The following TM9SF3 variants were observed in gnomAD, a reference collection of about 807,000 sequenced individuals.
The protein encoded by TM9SF3 is transmembrane 9 superfamily member 3, also known as SM-11044-binding protein.
Under a neutral mutation model 78.6 loss-of-function variants are expected in TM9SF3, and 14 were observed. The ratio of observed to expected loss-of-function variants is 0.18; its 90% CI spans 0.12 to 0.28. The LOEUF (loss-of-function observed/expected upper bound fraction) is 0.28. TM9SF3 is among the 10% of genes least tolerant of loss of function. TM9SF3 has a pLI of 1.00. For synonymous variants in TM9SF3, 231 were observed against 241.7 expected (o/e 0.96, Z 0.41); for missense variants, 496 against 721.9 (o/e 0.69, Z 3.59).
chr10:96,551,577 T>C (rs1848170634), intron 6 of TM9SF3, among the ~76,000 whole-genome samples, 166 bp from the exon 7 acceptor site: 1 of 152,194 alleles, frequency 6.6e-6, no homozygotes, highest in African/African-American at 2.4e-5. Flanking sequence ...ATCACTGCCT[T>C]AATAACAATG....
At chr10:96,545,297 A>G (rs1848083622) in intron 8 of TM9SF3, among the ~76,000 whole-genome samples, 1 of 152,218 alleles carries the variant, frequency 6.6e-6, no homozygotes. Flanking sequence ...TAGAAAAATA[A>G]GCAATACTCT....
chr10:96,562,196 A>G, intron 3 of TM9SF3, 58 bp from the exon 4 acceptor site: 1 of 1,294,880 alleles, frequency 7.7e-7, no homozygotes. Flanking sequence ...AAAATATCCT[A>G]CAAGCTAAAT....
intron 1 of TM9SF3, among the ~76,000 whole-genome samples, chr10:96,580,619 C>G (rs1014700388): frequency 6.6e-6 from 1 of 152,096 alleles, no homozygotes; most frequent in Non-Finnish European, 1.5e-5. Flanking sequence ...TCCTTTTCTC[C>G]ACTTAGCCAA....
At chr10:96,572,099 T>C (rs1218150415) in intron 2 of TM9SF3, among the ~76,000 whole-genome samples, 3 of 152,190 alleles carry the variant, frequency 2.0e-5, no homozygotes, top group Non-Finnish European at 4.4e-5. Context: ...TCAAAGTCTG[T>C]AATCAATAAA....
chr10:96,539,220 C>T (rs908793943), intron 9 of TM9SF3, among the ~76,000 whole-genome samples: 1 of 150,372 alleles, frequency 6.7e-6, no homozygotes, highest in Non-Finnish European at 1.5e-5. Context: ...CCTGTAATCG[C>T]AGCACTTTGG....
At chr10:96,542,450 A>G (rs570489956) in intron 9 of TM9SF3, among the ~76,000 whole-genome samples, 2 of 152,314 alleles carry the variant, frequency 1.3e-5, no homozygotes, top group African/African-American at 4.8e-5. Context: ...TAATTATTAA[A>G]TTATCTAAAG....
chr10:96,585,587 C>T (rs1359104001), intron 1 of TM9SF3, among the ~76,000 whole-genome samples: 1 of 152,186 alleles, frequency 6.6e-6, no homozygotes, highest in Non-Finnish European at 1.5e-5. Context: ...AAGTTTAGAG[C>T]TTTTATTAGC....
chr10:96,525,839 C>T (rs1280976624), intron 14 of TM9SF3, among the ~76,000 whole-genome samples: 1 of 151,774 alleles, frequency 6.6e-6, no homozygotes, highest in East Asian at 1.9e-4. Context: ...AAACACTGAG[C>T]CCAAAAAAAA....
intron 1 of TM9SF3, among the ~76,000 whole-genome samples, 156 bp downstream of exon 1, chr10:96,586,578 C>T (rs935322522): frequency 2.6e-5 from 4 of 152,076 alleles, no homozygotes; most frequent in Admixed American, 6.5e-5. Flanking sequence ...CCTCCACGCT[C>T]CCAAGGTTCC....
At chr10:96,533,859 T>C (rs1368415947) in intron 9 of TM9SF3, among the ~76,000 whole-genome samples, 1 of 152,236 alleles carries the variant, frequency 6.6e-6, no homozygotes, top group Non-Finnish European at 1.5e-5. Context: ...ACGGAGATTT[T>C]AGAACCAAAG....
chr10:96,547,451 G>A (rs182792137), intron 8 of TM9SF3, among the ~76,000 whole-genome samples: 3 of 152,244 alleles, frequency 2.0e-5, no homozygotes, highest in East Asian at 3.9e-4. Context: ...GAAATAAAAC[G>A]CGAGAATTCC....
chr10:96,552,818 T>C (rs1848190268), intron 6 of TM9SF3, 110 bp downstream of exon 6: 1 of 1,078,964 alleles, frequency 9.3e-7, no homozygotes, highest in Non-Finnish European at 1.2e-6. Context: ...AAATCCTGAA[T>C]TGTGGAAACT....
Position 96,520,732 on chromosome 10 carries a change from C to T in TM9SF3, c.*1531G>A, listed in dbSNP as rs1847756450. On this transcript the variant is annotated 3_prime_UTR_variant, in exon 15 of 15. Coordinates refer to ENST00000371142, the MANE Select transcript of TM9SF3 (RefSeq NM_020123.4). ...CCAACAGTACGTTAACCACTTTTAC[C>T]CCATCCCCACTTTACACGGTACACC... is the stretch of plus-strand genomic sequence containing the variant. 2.5e-6 allele frequency: 1 copy of T among 392,422 alleles called. No individual in the cohort carries two copies. The highest frequency in any genetic ancestry group is 1.4e-4 in the South Asian group (1 of 7,262). The allele number at this position is 392,422 out of a possible 1,614,324, so 24.3% of individuals were successfully genotyped here. A position where few individuals can be genotyped will look rare whatever the true frequency, so the allele number is the denominator to read the frequency against.
rs536385716 is a variant in TM9SF3, at chr10:96,540,294, C to T, written c.1185+3782G>A. On this transcript the variant is annotated intron_variant, in intron 9 of 14. Coordinates refer to ENST00000371142, the MANE Select transcript of TM9SF3 (RefSeq NM_020123.4). Reference sequence around the variant, plus strand: ...CATGTACATACTATGGCTAATACTTCGATACTCTTATAAGGTAGAACCCAC... The same window carrying T: ...CATGTACATACTATGGCTAATACTTTGATACTCTTATAAGGTAGAACCCAC... 1.1e-4 allele frequency among the ~76,000 whole-genome samples: 16 copies of T among 152,280 alleles called. No homozygotes were observed. In the East Asian group the frequency reaches 2.9e-3, roughly 28 times the overall value.
At chr10:96,571,080 C>T (rs959055812) in intron 2 of TM9SF3, among the ~76,000 whole-genome samples, 1 of 152,106 alleles carries the variant, frequency 6.6e-6, no homozygotes, top group Non-Finnish European at 1.5e-5. Flanking sequence ...AAATGGAAAA[C>T]GGTTGTAAGA....
chr10:96,553,491 G>GTA (rs1589454480), intron 5 of TM9SF3, among the ~76,000 whole-genome samples: 1 of 152,104 alleles, frequency 6.6e-6, no homozygotes, highest in East Asian at 1.9e-4. Flanking sequence ...GCTTAATAAT[G>GTA]TATATATAAA....
In TM9SF3 at chr10:96,562,213, TAA is replaced by T. The variant is rs965972215; in HGVS notation, c.422-77_422-76del. On this transcript the variant is annotated intron_variant, in intron 3 of 14. Transcript: ENST00000371142. The stretch of plus-strand genomic sequence containing the variant: ...AATATCCTACAAGCTAAATGCTCAT[TAA>T]GTTTTTTTTTTTTTTTTTTTTACCT... 2.6e-5 allele frequency: 28 copies of T among 1,088,082 alleles called. No homozygotes were observed. In the African/African-American group the frequency reaches 3.0e-4, roughly 12 times the overall value. The allele number at this position is 1,088,082 out of a possible 1,614,324, so 67.4% of individuals were successfully genotyped here. A position where few individuals can be genotyped will look rare whatever the true frequency, so the allele number is the denominator to read the frequency against.
At chr10:96,536,559 C>A (rs547148919) in intron 9 of TM9SF3, among the ~76,000 whole-genome samples, 61 of 152,074 alleles carry the variant, frequency 4.0e-4, no homozygotes, top group Middle Eastern at 6.8e-3. Flanking sequence ...AAGCCAATAT[C>A]CTAAAAAACT....
intron 9 of TM9SF3, among the ~76,000 whole-genome samples, chr10:96,538,104 G>T (rs1413334140): frequency 6.6e-6 from 1 of 152,124 alleles, no homozygotes; most frequent in Non-Finnish European, 1.5e-5. Flanking sequence ...AAAAAGAATT[G>T]ATTTCAGGAC....
Sources: allele counts gnomAD v4.1 joint callset (sites outside exome capture counted in the v4.1 genomes callset), GRCh38; gene constraint gnomAD v4.1.1; transcripts MANE v1.5; gene names NCBI Gene and HGNC (gene_info 2026-07-23, HGNC 2026-07-21).